CCDC7: variants seen among roughly 807,000 people sequenced by gnomAD.
The protein encoded by CCDC7 is coiled-coil domain-containing protein 7.
CCDC7 carries 183 observed loss-of-function variants against 196.9 expected under a neutral mutation model. The ratio of observed to expected loss-of-function variants is 0.93; its 90% CI spans 0.82 to 1.05. The LOEUF is 1.05. CCDC7 is among the 50% of genes least tolerant of loss of function. The pLI is 0.00. For synonymous variants in CCDC7, 525 were observed against 484.6 expected (o/e 1.08, Z -1.10); for missense variants, 1,540 against 1,482.2 (o/e 1.04, Z -0.64).
intron 7 of CCDC7, among the ~76,000 whole-genome samples, chr10:32,472,904 T>C (rs1479641017): frequency 6.6e-6 from 1 of 152,214 alleles, no homozygotes; most frequent in African/African-American, 2.4e-5. Flanking sequence ...CATGTTTGAC[T>C]TTTGTGGGGT....
Position 32,711,700 on chromosome 10 carries a change from C to T in CCDC7, c.2539C>T (p.Gln847Ter). 1 of 1,586,866 alleles carries T rather than the reference C, an allele frequency of 6.3e-7. No individual in the cohort carries two copies. Among genetic ancestry groups the T allele is most frequent in the Non-Finnish European group, 8.6e-7 (1 of 1,166,718 alleles). The change falls in exon 25 of 42, where the codon CAA becomes TAA. Residue 847 changes from glutamine (Q) to a stop codon, truncating the protein, a stop_gained. Coordinates refer to ENST00000639629, the Ensembl canonical transcript of CCDC7. LOFTEE classifies it high-confidence loss of function. ...AAAAATCCAAGTGCAATTAGAGATT[C>T]AAGAAACTTCTGAAGGAGAAGGACG...
intron 31 of CCDC7, among the ~76,000 whole-genome samples, chr10:32,819,214 G>A (rs1476062331): frequency 6.6e-6 from 1 of 152,136 alleles, no homozygotes; most frequent in Non-Finnish European, 1.5e-5. Context: ...AGAAAATCTA[G>A]AAGAAATGGA....
chr10:32,673,144 G>T (rs955160901), intron 21 of CCDC7, among the ~76,000 whole-genome samples: 1 of 152,056 alleles, frequency 6.6e-6, no homozygotes, highest in African/African-American at 2.4e-5. Context: ...TGTTACATTG[G>T]TGTATATGTC....
intron 9 of CCDC7, among the ~76,000 whole-genome samples, chr10:32,500,747 C>T (rs1283958118): frequency 6.6e-6 from 1 of 152,218 alleles, no homozygotes; most frequent in Non-Finnish European, 1.5e-5. Flanking sequence ...TGCACTCCAG[C>T]CTGGGCAACA....
At chr10:32,836,489 G>T (rs979104558) in intron 33 of CCDC7, among the ~76,000 whole-genome samples, 33 of 151,986 alleles carry the variant, frequency 2.2e-4, no homozygotes, top group African/African-American at 6.5e-4. Context: ...ACTAGTTTAC[G>T]GTCCCACCAG....
chr10:32,562,514 T>C (rs2055898047), intron 13 of CCDC7, among the ~76,000 whole-genome samples: 1 of 152,156 alleles, frequency 6.6e-6, no homozygotes, highest in Non-Finnish European at 1.5e-5. Flanking sequence ...AATCAATAAA[T>C]GTAATCCAGC....
chr10:32,560,006 C>T (rs992086000), intron 13 of CCDC7, among the ~76,000 whole-genome samples: 27 of 152,166 alleles, frequency 1.8e-4, no homozygotes, highest in African/African-American at 5.1e-4. Flanking sequence ...AACCAAGGCT[C>T]GAGAACTACG....
chr10:32,719,058 T>G (rs943710170), intron 25 of CCDC7, among the ~76,000 whole-genome samples: 9 of 152,154 alleles, frequency 5.9e-5, no homozygotes, highest in Non-Finnish European at 1.0e-4. Flanking sequence ...AAAGAGCCCG[T>G]ATAGTCAAGA....
intron 9 of CCDC7, among the ~76,000 whole-genome samples, chr10:32,508,932 ATTTT>A (rs4016795): frequency 8.5e-6 from 1 of 117,104 alleles, no homozygotes; most frequent in African/African-American, 3.3e-5. Flanking sequence ...TGTGCCTGGC[ATTTT>A]TTTTTTTTTT....
intron 28 of CCDC7, among the ~76,000 whole-genome samples, chr10:32,757,798 A>G (rs1215125422): frequency 2.0e-5 from 3 of 152,242 alleles, no homozygotes; most frequent in Non-Finnish European, 4.4e-5. Context: ...CCTTCAAAAA[A>G]TCAATGAATC....
chr10:32,495,150 G>A (rs561874402), intron 9 of CCDC7, among the ~76,000 whole-genome samples: 1 of 152,220 alleles, frequency 6.6e-6, no homozygotes, highest in East Asian at 1.9e-4. Context: ...GACCAGTGAT[G>A]ATGAGCATAT....
chr10:32,491,779 C>A, intron 8 of CCDC7, 143 bp from the exon 10 acceptor site: 1 of 595,886 alleles, frequency 1.7e-6, no homozygotes, highest in Non-Finnish European at 2.5e-6. Context: ...TCCTCATAAG[C>A]ATTCTGTTAA....
Position 32,847,926 on chromosome 10 carries a change from A to T in CCDC7, c.3772+10A>T. 1.3e-6 allele frequency: 2 copies of T among 1,537,326 alleles called. No homozygotes were observed. Among genetic ancestry groups the T allele is most frequent in the South Asian group, 2.3e-5 (2 of 86,792 alleles). On this transcript the variant is annotated intron_variant, in intron 38 of 41. Transcript: ENST00000639629. ...CTAAGGACTCACTATGGTAAGAATA[A>T]TAATTTTAAGTCTAATATTTACAGT... is the stretch of plus-strand genomic sequence containing the variant.
intron 25 of CCDC7, among the ~76,000 whole-genome samples, chr10:32,721,154 T>A (rs2082359696): frequency 6.6e-6 from 1 of 152,082 alleles, no homozygotes; most frequent in African/African-American, 2.4e-5. Flanking sequence ...CAAGATAACT[T>A]AAAAAATAGC....
chr10:32,843,357 C>G (rs7895395), intron 33 of CCDC7, among the ~76,000 whole-genome samples: 35,572 of 151,626 alleles, frequency 0.23, 4,471 homozygotes, highest in East Asian at 0.49. Context: ...AGGAATAATG[C>G]TATATGGGAG....
At chr10:32,814,987 G>T (rs919355998) in intron 31 of CCDC7, among the ~76,000 whole-genome samples, 2 of 152,022 alleles carry the variant, frequency 1.3e-5, no homozygotes, top group Non-Finnish European at 2.9e-5. Context: ...CAACATAAGA[G>T]ACTTTACACT....
At chr10:32,759,170 A>T (rs1474931992) in intron 28 of CCDC7, among the ~76,000 whole-genome samples, 1 of 152,212 alleles carries the variant, frequency 6.6e-6, no homozygotes, top group African/African-American at 2.4e-5. Context: ...CATACTGCCC[A>T]AGGTAATTTA....
In CCDC7 at chr10:32,694,828, C is replaced by A. The variant is rs372517197; in HGVS notation, c.2345-51C>A. 99 of 1,062,976 alleles carry A rather than the reference C, an allele frequency of 9.3e-5. No individual in the cohort carries two copies. The African/African-American group carries it at 1.2e-3, about 13-fold the overall frequency. The allele number at this position is 1,062,976 out of a possible 1,614,324, so 65.8% of individuals were successfully genotyped here. ...TTACAAGTTTGAAATCTAGAGATTT[C>A]ACAGTAGGTCTGTTTTTCCATTAAG... On this transcript the variant is annotated intron_variant, in intron 23 of 41. Coordinates refer to ENST00000639629, the Ensembl canonical transcript of CCDC7.
At chr10:32,661,126 C>T (rs1163502857) in intron 20 of CCDC7, among the ~76,000 whole-genome samples, 2 of 151,254 alleles carry the variant, frequency 1.3e-5, no homozygotes, top group African/African-American at 2.4e-5. Flanking sequence ...AACAAATTTA[C>T]AAGAAAAAAA....
Sources: allele counts gnomAD v4.1 joint callset (sites outside exome capture counted in the v4.1 genomes callset), GRCh38; gene constraint gnomAD v4.1.1; transcripts MANE v1.5; gene names NCBI Gene and HGNC (gene_info 2026-07-23, HGNC 2026-07-21).